WDPCP: variants seen among roughly 807,000 people sequenced by gnomAD.
WDPCP encodes the protein WD repeat containing planar cell polarity effector, also known as WD repeat-containing and planar cell polarity effector protein fritz homolog.
In WDPCP, 71 loss-of-function variants were observed where a neutral mutation model predicts 93.1. That is an observed-to-expected ratio of 0.76 (90% CI 0.63 to 0.93). The LOEUF is 0.93. WDPCP is among the 40% of genes least tolerant of loss of function. The pLI, the probability that WDPCP is intolerant of heterozygous loss-of-function variation, is 0.00. For synonymous variants in WDPCP, 315 were observed against 315.0 expected, an observed-to-expected ratio of 1.00 and a Z score of 0.00; for missense variants, 844 against 887.4, an observed-to-expected ratio of 0.95 and a Z score of 0.62.
At chr2:63,298,044 G>A (rs1445365851) in intron 13 of WDPCP, among the ~76,000 whole-genome samples, 1 of 152,126 alleles carries the variant, frequency 6.6e-6, no homozygotes, top group Non-Finnish European at 1.5e-5. Context: ...CATGCTTCTG[G>A]CAGTACCTGA....
chr2:63,376,405 G>T lies in WDPCP; in HGVS notation c.1748+1981C>A, dbSNP rs563308957. ...CCAAAAAATAATTAGAAAACCATTT[G>T]AGAAAAACCAATGAACAAAAAATTC... On this transcript the variant is annotated intron_variant, in intron 12 of 17. Transcript: ENST00000272321. Among the ~76,000 whole-genome samples the T allele has an allele frequency of 3.3e-5, 5 of 151,940 alleles. No individual in the cohort carries two copies. In the East Asian group the frequency reaches 9.7e-4, roughly 29 times the overall value.
chr2:63,764,569 A>G (rs1670111346), intron 2 of WDPCP, among the ~76,000 whole-genome samples: 1 of 152,318 alleles, frequency 6.6e-6, no homozygotes, highest in Middle Eastern at 3.4e-3. Context: ...AGATATGGTA[A>G]GTGATTAAAA....
chr2:63,808,932 G>A (rs561788938), intron 2 of WDPCP, among the ~76,000 whole-genome samples: 59 of 151,942 alleles, frequency 3.9e-4, no homozygotes, highest in African/African-American at 1.3e-3. Flanking sequence ...CATCTAGGAA[G>A]TGAGGAGTGT....
intron 2 of WDPCP, among the ~76,000 whole-genome samples, chr2:63,703,800 T>C (rs550549273): frequency 1.3e-5 from 2 of 152,332 alleles, no homozygotes; most frequent in South Asian, 2.1e-4. Flanking sequence ...TTTGGTTACA[T>C]ATGAACATTA....
At chr2:63,494,287 TGACGAC>T (rs11281691) in intron 1 of WDPCP, among the ~76,000 whole-genome samples, 5 of 150,334 alleles carry the variant, frequency 3.3e-5, no homozygotes, top group Admixed American at 2.6e-4. Context: ...ATGATGATGA[TGACGAC>T]GACGACGACA....
intron 13 of WDPCP, among the ~76,000 whole-genome samples, chr2:63,262,657 T>C (rs955102802): frequency 7.9e-5 from 12 of 152,154 alleles, no homozygotes; most frequent in Admixed American, 6.5e-4. Flanking sequence ...CTATAAGATC[T>C]GTGGTCAACA....
chr2:63,599,467 T>C (rs552600844), intron 3 of WDPCP: 29 of 556,624 alleles, frequency 5.2e-5, no homozygotes, highest in African/African-American at 5.0e-4. Context: ...AGTCTTTAAA[T>C]GTATTCTCTT....
chr2:63,178,614 C>T (rs890021941), intron 14 of WDPCP, among the ~76,000 whole-genome samples: 2 of 151,496 alleles, frequency 1.3e-5, no homozygotes, highest in Non-Finnish European at 2.9e-5. Context: ...ATTAGTATAC[C>T]TAATAATTGG....
At chr2:63,360,158 G>A (rs991219948) in intron 12 of WDPCP, 10 of 152,174 alleles carry the variant, frequency 6.6e-5, no homozygotes, top group African/African-American at 2.4e-4. Flanking sequence ...TGAAAAAGAA[G>A]TATCTATTAA....
intron 3 of WDPCP, among the ~76,000 whole-genome samples, chr2:63,631,619 T>G (rs1709865946): frequency 6.6e-6 from 1 of 152,166 alleles, no homozygotes; most frequent in Non-Finnish European, 1.5e-5. Context: ...AATGTCCGTT[T>G]AAAAACTACA....
intron 2 of WDPCP, among the ~76,000 whole-genome samples, chr2:63,666,791 C>T (rs1710288086): frequency 1.3e-5 from 2 of 152,258 alleles, no homozygotes; most frequent in African/African-American, 4.8e-5. Flanking sequence ...ACCACAAATC[C>T]TACCCCATGT....
intron 10 of WDPCP, chr2:63,403,728 T>C (rs1694327829): frequency 4.4e-6 from 1 of 228,736 alleles, no homozygotes; most frequent in African/African-American, 2.3e-5. Context: ...AAGTAAGTCC[T>C]TCTAAAATAT....
intron 17 of WDPCP, among the ~76,000 whole-genome samples, chr2:63,127,274 G>A (rs766750969): frequency 6.6e-6 from 1 of 151,604 alleles, no homozygotes; most frequent in East Asian, 1.9e-4. Context: ...GGCATGAGCC[G>A]CCATACCCAG....
At chr2:63,181,448 A>G (rs1159338346) in intron 14 of WDPCP, among the ~76,000 whole-genome samples, 3 of 151,978 alleles carry the variant, frequency 2.0e-5, no homozygotes, top group African/African-American at 7.2e-5. Context: ...ATTGTAAAGG[A>G]TGTCCTTTCC....
chr2:63,838,442 C>T, the WDPCP span, among the ~76,000 whole-genome samples: 1 of 152,060 alleles, frequency 6.6e-6, no homozygotes, highest in African/African-American at 2.4e-5. Context: ...TTGTATCATC[C>T]GTGGATGGTC....
intron 13 of WDPCP, among the ~76,000 whole-genome samples, chr2:63,286,945 G>A (rs114988209): frequency 0.011 from 1,668 of 152,158 alleles, 9 homozygotes; most frequent in Non-Finnish European, 0.018. Flanking sequence ...CAGAGTGGGC[G>A]GCCTAAACAA....
At chr2:63,190,083 A>C (rs749280571) in intron 14 of WDPCP, among the ~76,000 whole-genome samples, 1 of 152,100 alleles carries the variant, frequency 6.6e-6, no homozygotes, top group Non-Finnish European at 1.5e-5. Flanking sequence ...CAGTGTGATA[A>C]CAGGGTGGGG....
chr2:63,598,205 T>A (rs1709353676), intron 3 of WDPCP: 1 of 152,256 alleles, frequency 6.6e-6, no homozygotes, highest in Non-Finnish European at 1.5e-5. Flanking sequence ...CTTGGCTCAC[T>A]GCAACCTCTG....
chr2:63,161,050 G>C (rs1672606811), intron 15 of WDPCP, among the ~76,000 whole-genome samples: 1 of 152,194 alleles, frequency 6.6e-6, no homozygotes, highest in African/African-American at 2.4e-5. Context: ...CAGATATGCA[G>C]TGTATCTGTG....
Sources: allele counts gnomAD v4.1 joint callset (sites outside exome capture counted in the v4.1 genomes callset), GRCh38; gene constraint gnomAD v4.1.1; transcripts MANE v1.5; gene names NCBI Gene and HGNC (gene_info 2026-07-23, HGNC 2026-07-21).